TRIM67: variants seen among roughly 807,000 people sequenced by gnomAD.
The protein encoded by TRIM67 is tripartite motif-containing protein 67.
TRIM67 carries 39 observed loss-of-function variants against 71.0 expected under a neutral mutation model. That is an observed-to-expected ratio of 0.55 (90% CI 0.43 to 0.72). The LOEUF (loss-of-function observed/expected upper bound fraction) is 0.72. Among genes scored for constraint, TRIM67 ranks in the 30% least tolerant of loss-of-function variants. The probability of loss-of-function intolerance (pLI) is 0.00; values close to 1 mark genes in which losing one functional copy is unlikely to be tolerated. For synonymous variants in TRIM67, 481 were observed against 473.9 expected, an observed-to-expected ratio of 1.01 and a Z score of -0.19; for missense variants, 973 against 1,079.2, an observed-to-expected ratio of 0.90 and a Z score of 1.38.
chr1:231,195,976 A>G (rs1683360887), intron 1 of TRIM67, among the ~76,000 whole-genome samples: 1 of 152,162 alleles, frequency 6.6e-6, no homozygotes, highest in Non-Finnish European at 1.5e-5. Flanking sequence ...CATTCAACAA[A>G]TATTTATTGA....
At chr1:231,211,750 G>A (rs935938652) in intron 8 of TRIM67, among the ~76,000 whole-genome samples, 2 of 152,160 alleles carry the variant, frequency 1.3e-5, no homozygotes, top group Non-Finnish European at 2.9e-5. Context: ...GGTTTTCTTA[G>A]CAGAGTGGCG....
At position 231,217,687 on chromosome 1, in the gene TRIM67, C is replaced by G; in HGVS notation, c.*2247C>G. 1 of 1,196,294 alleles carries G rather than the reference C, an allele frequency of 8.4e-7. No homozygotes were observed. Among genetic ancestry groups the G allele is most frequent in the Middle Eastern group, 3.1e-4 (1 of 3,188 alleles). The allele number at this position is 1,196,294 out of a possible 1,614,324, so 74.1% of individuals were successfully genotyped here. Reference sequence around the variant, plus strand: ...TCTCACAGGGGAGCCCTGGGGAAGGCTGTGGAGCCTCCACCATCACCACAG... The same window carrying G: ...TCTCACAGGGGAGCCCTGGGGAAGGGTGTGGAGCCTCCACCATCACCACAG... On this transcript the variant is annotated 3_prime_UTR_variant, in exon 10 of 10. Coordinates refer to ENST00000366653, the MANE Select transcript of TRIM67 (RefSeq NM_001004342.5).
rs953667373 is a variant in TRIM67, at chr1:231,216,496, T to A, written c.*1056T>A. 1.0e-6 allele frequency: 1 copy of A among 985,378 alleles called. No homozygotes were observed. Among genetic ancestry groups the A allele is most frequent in the Non-Finnish European group, 1.2e-6 (1 of 829,958 alleles). The allele number at this position is 985,378 out of a possible 1,614,324, so 61.0% of individuals were successfully genotyped here. A position where few individuals can be genotyped will look rare whatever the true frequency, so the allele number is the denominator to read the frequency against. The stretch of plus-strand genomic sequence containing the variant: ...CTGAGCTGAACCACTCTCAGACTCA[T>A]AAGCATTTAAAATGGGAGACCCTGG... On this transcript the variant is annotated 3_prime_UTR_variant, in exon 10 of 10. Coordinates refer to ENST00000366653, the MANE Select transcript of TRIM67 (RefSeq NM_001004342.5).
chr1:231,208,314 C>A (rs1030947457), intron 7 of TRIM67, among the ~76,000 whole-genome samples: 1 of 152,050 alleles, frequency 6.6e-6, no homozygotes, highest in East Asian at 1.9e-4. Context: ...GCTGGGACTA[C>A]AGGCACCTGC....
At chr1:231,184,080 G>A (rs182950046) in intron 1 of TRIM67, 7 of 152,180 alleles carry the variant, frequency 4.6e-5, no homozygotes, top group African/African-American at 1.7e-4. Flanking sequence ...GGGTGTTAAC[G>A]AATCCACTGA....
Position 231,182,590 on chromosome 1 carries a change from G to C in TRIM67, c.1045-14781G>C, listed in dbSNP as rs1236520742. ...ACCGTGGGGCACCGGTGCAGCCATGGGAAAGGGCACATCCAGCAGATGAAT... is the reference window on the plus strand; with the variant it reads ...ACCGTGGGGCACCGGTGCAGCCATGCGAAAGGGCACATCCAGCAGATGAAT... On this transcript the variant is annotated intron_variant, in intron 1 of 9. Coordinates refer to ENST00000366653, the MANE Select transcript of TRIM67 (RefSeq NM_001004342.5). 2.0e-5 allele frequency among the ~76,000 whole-genome samples: 3 copies of C among 152,162 alleles called. No individual in the cohort carries two copies. The East Asian group carries it at 5.8e-4, about 29-fold the overall frequency.
rs1684022664 is a variant in TRIM67, at chr1:231,216,703, T to C, written c.*1263T>C. The C allele has an allele frequency of 8.1e-6, 8 of 985,524 alleles. No individual in the cohort carries two copies. The South Asian group carries it at 3.8e-4, about 46-fold the overall frequency. 61.0% of individuals were successfully genotyped at this position (985,524 alleles called of 1,614,324 possible). On this transcript the variant is annotated 3_prime_UTR_variant, in exon 10 of 10. Coordinates refer to ENST00000366653, the MANE Select transcript of TRIM67 (RefSeq NM_001004342.5). ...CCCAGCTTCCCACTGTGAGACTGGG[T>C]GTGCCGAGTCTGACCTGCCAGGGCA... is the stretch of plus-strand genomic sequence containing the variant.
intron 1 of TRIM67, among the ~76,000 whole-genome samples, chr1:231,187,238 G>A (rs1373007619): frequency 6.6e-6 from 1 of 152,140 alleles, no homozygotes; most frequent in Non-Finnish European, 1.5e-5. Context: ...TGCCTCTGTT[G>A]GCCCCAGGCT....
At chr1:231,211,685 C>A (rs1250097468) in intron 8 of TRIM67, among the ~76,000 whole-genome samples, 2 of 152,212 alleles carry the variant, frequency 1.3e-5, no homozygotes, top group Non-Finnish European at 2.9e-5. Context: ...CTTCCCTCTG[C>A]CCTACCAGCA....
In TRIM67 at chr1:231,215,615, C is replaced by T. The variant is rs1456601984; in HGVS notation, c.*175C>T. 1.7e-5 allele frequency: 24 copies of T among 1,384,672 alleles called. No individual in the cohort carries two copies. In the East Asian group the frequency reaches 2.1e-4, roughly 12 times the overall value. The allele number at this position is 1,384,672 out of a possible 1,614,324, so 85.8% of individuals were successfully genotyped here. On this transcript the variant is annotated 3_prime_UTR_variant, in exon 10 of 10. Transcript: ENST00000366653. ...CTTGGGGACGCAGGGAATGGGTCCA[C>T]GGGCCATGCTCACAGCTGCCACTGT...
chr1:231,186,314 A>G, intron 1 of TRIM67: 1 of 694,484 alleles, frequency 1.4e-6, no homozygotes, highest in Non-Finnish European at 2.4e-6. Context: ...CCTGACCTGG[A>G]TTCCTGGTTT....
At position 231,219,669 on chromosome 1, in the gene TRIM67, A is replaced by T; in HGVS notation, c.*4229A>T. The T allele has an allele frequency of 1.7e-6, 2 of 1,162,158 alleles. No homozygotes were observed. Among genetic ancestry groups the T allele is most frequent in the South Asian group, 3.5e-5 (2 of 57,550 alleles). The allele number at this position is 1,162,158 out of a possible 1,614,324, so 72.0% of individuals were successfully genotyped here. Reference sequence around the variant, plus strand: ...CCACATTTTACTGGAAGCAACAGGAACTTCTTAATGGGTTTGTGGCCCTCA... The same window carrying T: ...CCACATTTTACTGGAAGCAACAGGATCTTCTTAATGGGTTTGTGGCCCTCA... On this transcript the variant is annotated 3_prime_UTR_variant, in exon 10 of 10. Coordinates refer to ENST00000366653, the MANE Select transcript of TRIM67 (RefSeq NM_001004342.5).
intron 1 of TRIM67, among the ~76,000 whole-genome samples, chr1:231,177,837 C>A (rs1037308513): frequency 1.3e-5 from 2 of 152,192 alleles, no homozygotes; most frequent in African/African-American, 4.8e-5. Flanking sequence ...TTTGTAATCC[C>A]AGTACCCATC....
At chr1:231,199,775 G>A (rs1165024342) in intron 3 of TRIM67, among the ~76,000 whole-genome samples, 2 of 152,218 alleles carry the variant, frequency 1.3e-5, no homozygotes, top group Admixed American at 1.3e-4. Context: ...TGATCCCATG[G>A]TTCATAAGTG....
intron 7 of TRIM67, among the ~76,000 whole-genome samples, chr1:231,207,609 C>A (rs1571901197): frequency 6.6e-6 from 1 of 152,200 alleles, no homozygotes; most frequent in Non-Finnish European, 1.5e-5. Flanking sequence ...TCCACACATC[C>A]TCTGACTGCC....
intron 6 of TRIM67, among the ~76,000 whole-genome samples, chr1:231,204,340 CTAAT>C (rs1395914394): frequency 6.6e-6 from 1 of 152,188 alleles, no homozygotes; most frequent in Non-Finnish European, 1.5e-5. Flanking sequence ...GTCTCATCCT[CTAAT>C]TATTTCACCC....
At chr1:231,164,051 AGAGGGTAC>A in intron 1 of TRIM67, 38 bp downstream of exon 1, 1 of 1,455,852 alleles carries the variant, frequency 6.9e-7, no homozygotes, top group South Asian at 1.4e-5. Flanking sequence ...GTGCCAGGGA[AGAGGGTAC>A]GAGGAGAAAG....
intron 2 of TRIM67, 96 bp from the exon 3 acceptor site, chr1:231,198,951 T>C: frequency 6.4e-7 from 1 of 1,571,780 alleles, no homozygotes; most frequent in Non-Finnish European, 8.7e-7. Flanking sequence ...GATGAACTTC[T>C]CTGAAATATA....
chr1:231,162,080 G>C lies in TRIM67; in HGVS notation c.-890G>C, dbSNP rs370300947. ...ATTACAACTCCTCGGCGCGCCGCGCGGGGAGGCAGCGGCAGCGGCGGGAGG... is the reference window on the plus strand; with the variant it reads ...ATTACAACTCCTCGGCGCGCCGCGCCGGGAGGCAGCGGCAGCGGCGGGAGG... On this transcript the variant is annotated 5_prime_UTR_variant, in exon 1 of 10. Transcript: ENST00000366653. The C allele has an allele frequency of 3.9e-5, 6 of 152,132 alleles. No homozygotes were observed. Among genetic ancestry groups the C allele is most frequent in the Admixed American group, 6.5e-5 (1 of 15,278 alleles). 9.4% of individuals were successfully genotyped at this position (152,132 alleles called of 1,614,324 possible).
Sources: gnomAD v4.1 joint callset for allele counts (sites outside exome capture counted in the v4.1 genomes callset) on GRCh38, gnomAD v4.1.1 for gene constraint, MANE v1.5 for transcripts, NCBI Gene and HGNC (gene_info 2026-07-23, HGNC 2026-07-21) for gene names.